The following AGMO variants were observed in gnomAD, a reference collection of about 807,000 sequenced individuals.
The protein encoded by AGMO is alkylglycerol monooxygenase, also known as glyceryl-ether monooxygenase.
AGMO carries 75 observed loss-of-function variants against 60.2 expected under a neutral mutation model. The observed-to-expected ratio is 1.25, with a 90% CI of 1.03 to 1.51. The LOEUF is 1.51. AGMO is among the 40% of genes most tolerant of loss of function. The pLI is 0.00. For synonymous variants in AGMO, 261 were observed against 177.1 expected (o/e 1.47, Z -3.76); for missense variants, 763 against 525.5 (o/e 1.45, Z -4.42).
At position 15,354,455 on chromosome 7, in the gene AGMO, TACAC is replaced by T. The variant is rs756669849; in HGVS notation, c.1263+11055_1263+11058del. On this transcript the variant is annotated intron_variant, in intron 12 of 12. Transcript: ENST00000342526. Reference sequence around the variant, plus strand: ...GTGTGTGTATACACACGTGTGTGTATACACACGTGTGTGTATACACACGTGTGTA... The same window carrying T: ...GTGTGTGTATACACACGTGTGTGTATACGTGTGTGTATACACACGTGTGTA... Among the ~76,000 whole-genome samples the T allele has an allele frequency of 8.7e-3, 173 of 19,804 alleles. 13 individuals carry two copies. The highest frequency in any genetic ancestry group is 0.03 in the South Asian group (11 of 370). The allele number at this position is 19,804 out of a possible 152,430, so 13.0% of individuals were successfully genotyped here. A position where few individuals can be genotyped will look rare whatever the true frequency, so the allele number is the denominator to read the frequency against.
At chr7:15,198,196 CGAGAGAGAGAGAGAGA>C (rs748392069), downstream of AGMO, among the ~76,000 whole-genome samples, 394 of 77,394 alleles carry the variant, frequency 5.1e-3, 1 homozygote, top group Middle Eastern at 8.6e-3. Flanking sequence ...AGGGCTTTCC[CGAGAGAGAGAGAGAGA>C]GAGAGAGAGA....
chr7:15,385,694 A>G (rs1337253875), intron 9 of AGMO, 132 bp from the exon 10 acceptor site: 1 of 658,206 alleles, frequency 1.5e-6, no homozygotes, highest in East Asian at 2.8e-5. Context: ...TTTTAAAAAT[A>G]GAAACATGTC....
At chr7:15,268,896 G>C (rs1783513592) in intron 12 of AGMO, among the ~76,000 whole-genome samples, 1 of 152,104 alleles carries the variant, frequency 6.6e-6, no homozygotes, top group Non-Finnish European at 1.5e-5. Flanking sequence ...CATCTTACTA[G>C]GACTTGTAGT....
At chr7:15,505,139 T>C (rs908183582) in intron 3 of AGMO, among the ~76,000 whole-genome samples, 1 of 152,010 alleles carries the variant, frequency 6.6e-6, no homozygotes, top group Non-Finnish European at 1.5e-5. Flanking sequence ...AATCATCTAT[T>C]GCCAAACTAC....
chr7:15,387,345 G>C (rs545113217), intron 9 of AGMO, 61 bp downstream of exon 9: 6 of 1,568,904 alleles, frequency 3.8e-6, no homozygotes, highest in South Asian at 2.3e-5. Flanking sequence ...GTACAGGCTG[G>C]CTGTAGACCT....
intron 12 of AGMO, among the ~76,000 whole-genome samples, chr7:15,212,958 TTG>T (rs1457424918): frequency 1.3e-5 from 2 of 151,970 alleles, no homozygotes; most frequent in African/African-American, 2.4e-5. Context: ...ATTGATTATA[TTG>T]TGTTATTATT....
At chr7:15,376,393 T>A (rs1354192261) in intron 10 of AGMO, among the ~76,000 whole-genome samples, 1 of 152,096 alleles carries the variant, frequency 6.6e-6, no homozygotes, top group Non-Finnish European at 1.5e-5. Context: ...TACAGGTTTT[T>A]TTCAGCAGCT....
chr7:15,439,253 A>C (rs1012695059), intron 3 of AGMO, among the ~76,000 whole-genome samples: 5 of 151,932 alleles, frequency 3.3e-5, no homozygotes, highest in South Asian at 2.1e-4. Flanking sequence ...AAAAATTAGC[A>C]GGGCGTGGTG....
the AGMO span, among the ~76,000 whole-genome samples, chr7:15,194,115 A>G: frequency 2.0e-5 from 3 of 152,164 alleles, no homozygotes; most frequent in Non-Finnish European, 4.4e-5. Flanking sequence ...AACAAATATA[A>G]TTTTATTTTC....
At chr7:15,118,876 ATTTTTTTTTTTTTTTTTTTTTTTTTT>A in the AGMO span, among the ~76,000 whole-genome samples, 3 of 81,732 alleles carry the variant, frequency 3.7e-5, no homozygotes, top group Non-Finnish European at 7.1e-5. Context: ...AGACGTCAGT[ATTTTTTTTTTTTTTTTTTTTTTTTTT>A]TTTTTTTTTT....
At chr7:15,446,840 G>C (rs1326796416) in intron 3 of AGMO, among the ~76,000 whole-genome samples, 4 of 152,140 alleles carry the variant, frequency 2.6e-5, no homozygotes, top group African/African-American at 9.7e-5. Context: ...AAAGATTGAT[G>C]TCTGGTGTCA....
chr7:15,445,636 T>C (rs1046160453), intron 3 of AGMO, among the ~76,000 whole-genome samples: 1 of 152,190 alleles, frequency 6.6e-6, no homozygotes, highest in Non-Finnish European at 1.5e-5. Context: ...ATGAATGTGA[T>C]ATATTACTCT....
chr7:15,517,653 A>G (rs1783857349), intron 3 of AGMO, among the ~76,000 whole-genome samples: 1 of 152,000 alleles, frequency 6.6e-6, no homozygotes, highest in African/African-American at 2.4e-5. Flanking sequence ...TGCTTTTCCC[A>G]TGGTCTTCGC....
the AGMO span, among the ~76,000 whole-genome samples, chr7:15,121,094 T>C: frequency 1.3e-4 from 20 of 152,136 alleles, no homozygotes; most frequent in African/African-American, 4.8e-4. Flanking sequence ...GTTCCTGTGT[T>C]AGTTTGCTGA....
chr7:15,532,208 T>C (rs1031840962), intron 3 of AGMO, among the ~76,000 whole-genome samples: 2 of 152,220 alleles, frequency 1.3e-5, no homozygotes, highest in African/African-American at 4.8e-5. Context: ...ACCAAAATAG[T>C]TGGTGATTTA....
chr7:15,396,267 A>T (rs1784376913), intron 5 of AGMO: 1 of 152,240 alleles, frequency 6.6e-6, no homozygotes. Flanking sequence ...TCTTAAGGGC[A>T]GCTTCTCCGG....
intron 5 of AGMO, among the ~76,000 whole-genome samples, chr7:15,402,340 C>A (rs1583513638): frequency 6.7e-6 from 1 of 149,216 alleles, no homozygotes; most frequent in Non-Finnish European, 1.5e-5. Flanking sequence ...TCTTTTTGTT[C>A]ATTTATTCTT....
At chr7:15,327,892 G>A (rs1214298235) in intron 12 of AGMO, among the ~76,000 whole-genome samples, 1 of 151,238 alleles carries the variant, frequency 6.6e-6, no homozygotes, top group Non-Finnish European at 1.5e-5. Flanking sequence ...AGCCTCCTGG[G>A]TAGCTGGGGA....
intron 10 of AGMO, among the ~76,000 whole-genome samples, chr7:15,369,420 T>G (rs1320766868): frequency 6.6e-6 from 1 of 152,106 alleles, no homozygotes; most frequent in South Asian, 2.1e-4. Flanking sequence ...TGTTCTCTCT[T>G]TAACTCAACA....
Sources: gnomAD v4.1 joint callset for allele counts (sites outside exome capture counted in the v4.1 genomes callset) on GRCh38, gnomAD v4.1.1 for gene constraint, MANE v1.5 for transcripts, NCBI Gene and HGNC (gene_info 2026-07-23, HGNC 2026-07-21) for gene names.